Variants in PFKFB4 observed in about 807,000 individuals in gnomAD.
The protein encoded by PFKFB4 is 6-phosphofructo-2-kinase/fructose-2,6-biphosphatase 4.
Under a neutral mutation model 62.8 loss-of-function variants are expected in PFKFB4, and 42 were observed. The observed-to-expected ratio is 0.67, with a 90% CI of 0.52 to 0.86. The LOEUF (loss-of-function observed/expected upper bound fraction) is 0.86. Among genes scored for constraint, PFKFB4 ranks in the 40% least tolerant of loss-of-function variants. The probability of loss-of-function intolerance (pLI) is 0.00; values close to 1 mark genes in which losing one functional copy is unlikely to be tolerated. For synonymous variants in PFKFB4, 204 were observed against 240.7 expected, an observed-to-expected ratio of 0.85 and a Z score of 1.41; for missense variants, 475 against 627.2, an observed-to-expected ratio of 0.76 and a Z score of 2.59.
chr3:48,562,773 C>G (rs1318953357), upstream of PFKFB4: 1 of 1,534,706 alleles, frequency 6.5e-7, no homozygotes. The surrounding 1 kb of genome is among the most constrained non-coding windows in gnomAD (Gnocchi z 4.3). Context: ...CACTGTGACC[C>G]CCTCTCTCAG....
chr3:48,538,379 C>G (rs2042691737), intron 7 of PFKFB4, 119 bp downstream of exon 7: 1 of 1,276,232 alleles, frequency 7.8e-7, no homozygotes. Flanking sequence ...CAAGAAAGGT[C>G]AGACCATCTC....
In PFKFB4 at chr3:48,543,590, C is replaced by G. The variant is rs759005458; in HGVS notation, c.368G>C (p.Gly123Ala). The change falls in exon 4 of 14, where the codon GGA becomes GCA. Residue 123 changes from glycine (G) to alanine (A), a missense_variant. Gly to Ala is a moderately conservative substitution (Grantham distance 60). Coordinates refer to ENST00000232375, the MANE Select transcript of PFKFB4 (RefSeq NM_004567.4). Reference sequence around the variant, plus strand: ...GGGTGTCACACTCACCGCCACATGTCCCCCCTCCTCACTAAGGAACCGCCG... The same window carrying G: ...GGGTGTCACACTCACCGCCACATGTGCCCCCTCCTCACTAAGGAACCGCCG... The part of the protein sequence containing the change: ...DVRRFLSEEG[G>A]HVAVFDATNT... The G allele has an allele frequency of 5.0e-6, 8 of 1,609,182 alleles. No individual in the cohort carries two copies. The Admixed American group carries it at 6.7e-5, about 14-fold the overall frequency.
intron 1 of PFKFB4, among the ~76,000 whole-genome samples, chr3:48,555,196 G>A (rs1475588314): frequency 6.6e-6 from 1 of 152,106 alleles, no homozygotes; most frequent in East Asian, 1.9e-4. Context: ...CAAAGGAGGG[G>A]TGGCCATAGC....
At chr3:48,524,130 T>C (rs1341168310) in intron 10 of PFKFB4, among the ~76,000 whole-genome samples, 4 of 152,162 alleles carry the variant, frequency 2.6e-5, no homozygotes, top group Admixed American at 6.5e-5. Flanking sequence ...TCCTCAGCTA[T>C]AGAATTCATG....
upstream of PFKFB4, among the ~76,000 whole-genome samples, chr3:48,558,915 C>T (rs1351855567): frequency 6.6e-6 from 1 of 152,222 alleles, no homozygotes. Flanking sequence ...ATCTTGGGGC[C>T]ACCGTGGCCT....
chr3:48,536,352 G>T lies in PFKFB4; in HGVS notation c.744C>A (p.Thr248=). Residue 248 remains threonine, a synonymous_variant, in exon 8 of 14, where the codon ACC becomes ACA. Coordinates refer to ENST00000232375, the MANE Select transcript of PFKFB4 (RefSeq NM_004567.4). ...GCCGGCAGAGGTAGATGGAGCGGGGGGTCACGTGGATGTTCATGAGGTAAT... is the reference window on the plus strand; with the variant it reads ...GCCGGCAGAGGTAGATGGAGCGGGGTGTCACGTGGATGTTCATGAGGTAAT... ...IVYYLMNIHV[T]PRSIYLCRHG... is the part of the protein sequence containing the mutation. The T allele has an allele frequency of 1.2e-6, 2 of 1,614,202 alleles. No individual in the cohort carries two copies. The highest frequency in any genetic ancestry group is 2.2e-5 in the South Asian group (2 of 91,078).
Position 48,538,537 on chromosome 3 carries a change from T to C in PFKFB4, c.593A>G (p.Tyr198Cys), listed in dbSNP as rs149487791. 5 of 1,614,160 alleles carry C rather than the reference T, an allele frequency of 3.1e-6. No individual in the cohort carries two copies. The South Asian group carries it at 4.4e-5, about 14-fold the overall frequency. ...TEDFMRRIECYENSYESLDED... is the reference protein window; with the variant it reads ...TEDFMRRIECCENSYESLDED... ...ATCTAGCGACTCGTAGGAGTTCTCA[T>C]AGCACTCAATGCGCCTCATGAAGTC... Residue 198 changes from tyrosine to cysteine, a missense_variant, in exon 7 of 14, where the codon TAT becomes TGT. Coordinates refer to ENST00000232375, the MANE Select transcript of PFKFB4 (RefSeq NM_004567.4).
chr3:48,531,199 C>G (rs956241898), intron 9 of PFKFB4, among the ~76,000 whole-genome samples: 1 of 151,314 alleles, frequency 6.6e-6, no homozygotes, highest in African/African-American at 2.4e-5. Flanking sequence ...GACCACATCT[C>G]TAAAAATTTT....
At chr3:48,556,804 G>A, upstream of PFKFB4, 2 of 1,586,958 alleles carry the variant, frequency 1.3e-6, no homozygotes, top group Non-Finnish European at 1.7e-6. The surrounding 1 kb of genome is among the most constrained non-coding windows in gnomAD (Gnocchi z 5.7). Flanking sequence ...GTCGGACTGC[G>A]CCGCTTCCAA....
At chr3:48,544,519 C>T (rs552326392) in intron 3 of PFKFB4, among the ~76,000 whole-genome samples, 2 of 150,008 alleles carry the variant, frequency 1.3e-5, no homozygotes, top group African/African-American at 4.9e-5. Context: ...GGGATCATGC[C>T]TCACTGCAGC....
chr3:48,523,112 T>C (rs1412197450), intron 12 of PFKFB4, among the ~76,000 whole-genome samples: 2 of 150,016 alleles, frequency 1.3e-5, no homozygotes, highest in African/African-American at 4.9e-5. Context: ...TAGCTCATGA[T>C]GGTAGCTCAC....
At chr3:48,546,530 C>T (rs940159834) in intron 3 of PFKFB4, among the ~76,000 whole-genome samples, 1 of 151,984 alleles carries the variant, frequency 6.6e-6, no homozygotes, top group Admixed American at 6.5e-5. Context: ...GTGTGTGCAC[C>T]CACCTTCATG....
At chr3:48,556,828 C>T (rs759428006), upstream of PFKFB4, 2 of 1,539,294 alleles carry the variant, frequency 1.3e-6, no homozygotes, top group African/African-American at 1.4e-5. The surrounding 1 kb of genome is among the most constrained non-coding windows in gnomAD (Gnocchi z 5.7). Flanking sequence ...AGCAGCCGGG[C>T]CACCTCGGGC....
chr3:48,551,021 C>T (rs1312107665), intron 1 of PFKFB4, among the ~76,000 whole-genome samples: 2 of 152,160 alleles, frequency 1.3e-5, no homozygotes, highest in Non-Finnish European at 2.9e-5. Flanking sequence ...CAGACTGATG[C>T]CCACAAGGAC....
intron 3 of PFKFB4, 146 bp from the exon 4 acceptor site, chr3:48,543,792 C>T: frequency 2.9e-6 from 2 of 690,566 alleles, no homozygotes; most frequent in South Asian, 3.3e-5. Flanking sequence ...CCTTCTCTTT[C>T]CTTAGGATAA....
chr3:48,531,847 A>C (rs1339189375), intron 9 of PFKFB4, among the ~76,000 whole-genome samples: 7 of 152,138 alleles, frequency 4.6e-5, no homozygotes, highest in Admixed American at 4.6e-4. Flanking sequence ...ATCAAAACCA[A>C]GATGCAATAC....
At chr3:48,555,562 C>G (rs1379662292) in intron 1 of PFKFB4, among the ~76,000 whole-genome samples, 2 of 152,312 alleles carry the variant, frequency 1.3e-5, no homozygotes, top group Non-Finnish European at 2.9e-5. Flanking sequence ...AAATTCATTA[C>G]AATGTTTCAG....
At position 48,518,905 on chromosome 3, in the gene PFKFB4, C is replaced by T. The variant is rs994805346; in HGVS notation, c.*842G>A. 2 of 152,242 alleles carry T rather than the reference C, an allele frequency of 1.3e-5. No homozygotes were observed. Among genetic ancestry groups the T allele is most frequent in the African/African-American group, 4.8e-5 (2 of 41,474 alleles). The allele number at this position is 152,242 out of a possible 1,614,324, so 9.4% of individuals were successfully genotyped here. A position where few individuals can be genotyped will look rare whatever the true frequency, so the allele number is the denominator to read the frequency against. On this transcript the variant is annotated 3_prime_UTR_variant, in exon 14 of 14. Coordinates refer to ENST00000232375, the MANE Select transcript of PFKFB4 (RefSeq NM_004567.4). ...GGAGAGGGGGCGGCAGCCTCTCCCT[C>T]GAGCACTTCGGTGTGTGCACCAGGA...
intron 10 of PFKFB4, among the ~76,000 whole-genome samples, chr3:48,524,197 C>T (rs1279504647): frequency 2.0e-5 from 3 of 152,196 alleles, no homozygotes; most frequent in African/African-American, 7.2e-5. Flanking sequence ...AGTGCACTGA[C>T]AAGAGCGAAG....
Sources: allele counts gnomAD v4.1 joint callset (sites outside exome capture counted in the v4.1 genomes callset), GRCh38; gene constraint gnomAD v4.1.1; non-coding constraint Gnocchi (gnomAD v3.1); transcripts MANE v1.5; gene names NCBI Gene and HGNC (gene_info 2026-07-23, HGNC 2026-07-21).